Variants in HMHB1 observed in about 807,000 individuals in gnomAD.
The protein encoded by HMHB1 is minor histocompatibility protein HB-1.
Under a neutral mutation model 2.4 loss-of-function variants are expected in HMHB1, and 4 were observed. The observed-to-expected ratio is 1.65, with a 90% CI of 0.81 to 3.77. HMHB1 has a LOEUF of 3.77. HMHB1 is among the 30% of genes most tolerant of loss of function. The pLI, the probability that HMHB1 is intolerant of heterozygous loss-of-function variation, is 0.01. For synonymous variants in HMHB1, 22 were observed against 17.6 expected, an observed-to-expected ratio of 1.25 and a Z score of -0.63; for missense variants, 57 against 44.2, an observed-to-expected ratio of 1.29 and a Z score of -0.82.
chr5:143,816,317 A>G (rs963157790), intron 1 of HMHB1, among the ~76,000 whole-genome samples: 1 of 152,126 alleles, frequency 6.6e-6, no homozygotes, highest in Non-Finnish European at 1.5e-5. Flanking sequence ...AGCTGTATAC[A>G]TTGCATCCTA....
intron 1 of HMHB1, among the ~76,000 whole-genome samples, chr5:143,813,161 C>A (rs995122531): frequency 1.3e-5 from 2 of 152,134 alleles, no homozygotes; most frequent in African/African-American, 2.4e-5. Context: ...CTCAGCCACC[C>A]CAGGGAATGC....
intron 1 of HMHB1, among the ~76,000 whole-genome samples, chr5:143,814,638 G>C (rs534645366): frequency 2.6e-5 from 4 of 152,282 alleles, no homozygotes; most frequent in Non-Finnish European, 4.4e-5. Context: ...CAAGGATGCT[G>C]TCATTATAGG....
intron 1 of HMHB1, among the ~76,000 whole-genome samples, chr5:143,815,890 T>C (rs1322979189): frequency 6.6e-6 from 1 of 150,550 alleles, no homozygotes; most frequent in Non-Finnish European, 1.5e-5. Context: ...GTATTTTTAG[T>C]AGAGACGGGG....
At chr5:143,818,017 A>G (rs1325291420) in intron 1 of HMHB1, among the ~76,000 whole-genome samples, 2 of 152,240 alleles carry the variant, frequency 1.3e-5, no homozygotes, top group African/African-American at 2.4e-5. Flanking sequence ...AATAGATTCA[A>G]TGCAATTCCA....
At chr5:143,819,037 T>C (rs1412313121) in intron 1 of HMHB1, among the ~76,000 whole-genome samples, 1 of 152,214 alleles carries the variant, frequency 6.6e-6, no homozygotes, top group Non-Finnish European at 1.5e-5. Flanking sequence ...TTTTCTCTGA[T>C]TGTCTCTCTA....
intron 1 of HMHB1, among the ~76,000 whole-genome samples, chr5:143,812,853 C>G (rs1759707597): frequency 6.6e-6 from 1 of 152,188 alleles, no homozygotes; most frequent in Non-Finnish European, 1.5e-5. Context: ...GGGGGTATAG[C>G]TTTCCCCAGT....
At chr5:143,820,333 A>C in intron 1 of HMHB1, 147 bp from the exon 2 acceptor site, 1 of 325,332 alleles carries the variant, frequency 3.1e-6, no homozygotes, top group Non-Finnish European at 5.5e-6. Flanking sequence ...AAAAAAAAAA[A>C]AAAAAAAAAA....
rs1474307526 is a variant in HMHB1 at position 143,820,647 on chromosome 5, G to C, written c.*79G>C. The C allele has an allele frequency of 2.2e-6, 2 of 895,896 alleles. No homozygotes were observed. The highest frequency in any genetic ancestry group is 3.6e-5 in the Admixed American group (2 of 55,626). 55.5% of individuals were successfully genotyped at this position (895,896 alleles called of 1,614,324 possible). The stretch of plus-strand genomic sequence containing the variant: ...GACAAATTGCTGAGCATGAAGAAGA[G>C]TAAAATTAAGCAAGTGGAACATATG... On this transcript the variant is annotated 3_prime_UTR_variant, in exon 2 of 2. Transcript: ENST00000289448.
chr5:143,813,349 C>A (rs1008613744), intron 1 of HMHB1, among the ~76,000 whole-genome samples: 3 of 152,230 alleles, frequency 2.0e-5, no homozygotes, highest in Non-Finnish European at 4.4e-5. Context: ...AAATAAACCA[C>A]TCCCTTTTTG....
chr5:143,820,035 C>T (rs1020090434), intron 1 of HMHB1, among the ~76,000 whole-genome samples: 5 of 152,066 alleles, frequency 3.3e-5, no homozygotes, highest in Non-Finnish European at 4.4e-5. Context: ...TTATTAGAAA[C>T]TCTCCTGCTC....
At position 143,820,318 on chromosome 5, in the gene HMHB1, T is replaced by TAAAAAAAAAAA. The variant is rs60960654; in HGVS notation, c.38-140_38-130dup. Among the ~76,000 whole-genome samples, 76 of 47,574 alleles carry TAAAAAAAAAAA rather than the reference T, an allele frequency of 1.6e-3. 1 individual carries two copies. Among genetic ancestry groups the TAAAAAAAAAAA allele is most frequent in the African/African-American group, 1.9e-3 (27 of 14,232 alleles). 31.2% of individuals were successfully genotyped at this position (47,574 alleles called of 152,430 possible). ...AGGTGCTGCCCCGGCTCATCATAAG[T>TAAAAAAAAAAA]AAAAAAAAAAAAAAAAAAAAAAAAA... On this transcript the variant is annotated intron_variant, in intron 1 of 1. Transcript: ENST00000289448.
rs201139557 is a variant in HMHB1, at chr5:143,820,541, C to T, written c.99C>T (p.His33=). The T allele has an allele frequency of 8.5e-5, 137 of 1,612,698 alleles. No individual in the cohort carries two copies. The African/African-American group carries it at 1.2e-3, about 14-fold the overall frequency. Residue 33 remains histidine, a synonymous_variant, in exon 2 of 2, where the codon CAC becomes CAT. Coordinates refer to ENST00000289448, the MANE Select transcript of HMHB1 (RefSeq NM_021182.3). Reference sequence around the variant, plus strand: ...TTGAAGATGATGTGTATCTGAGGCACAGCTCTTCCCTGACTTATAGGCTTT... The same window carrying T: ...TTGAAGATGATGTGTATCTGAGGCATAGCTCTTCCCTGACTTATAGGCTTT...
intron 1 of HMHB1, among the ~76,000 whole-genome samples, chr5:143,814,009 A>G (rs1759720726): frequency 6.6e-6 from 1 of 152,236 alleles, no homozygotes; most frequent in Non-Finnish European, 1.5e-5. Flanking sequence ...CAATTTCATT[A>G]TTAACTGAAA....
chr5:143,812,339 A>G (rs1178886087), intron 1 of HMHB1, 35 bp downstream of exon 1: 2 of 1,541,258 alleles, frequency 1.3e-6, no homozygotes, highest in Middle Eastern at 1.7e-4. Context: ...ACAGAGAGAG[A>G]GGGAAAGAGG....
intron 1 of HMHB1, among the ~76,000 whole-genome samples, chr5:143,815,320 T>C (rs1759734592): frequency 6.6e-6 from 1 of 152,222 alleles, no homozygotes; most frequent in Non-Finnish European, 1.5e-5. Context: ...TGGTTTTAGC[T>C]GAAGGCTCTT....
intron 1 of HMHB1, among the ~76,000 whole-genome samples, chr5:143,813,531 A>T (rs1027917401): frequency 6.6e-6 from 1 of 152,258 alleles, no homozygotes; most frequent in African/African-American, 2.4e-5. Flanking sequence ...CTGAAAAGTA[A>T]AAAATGGAAA....
At chr5:143,816,751 C>T (rs1012278095) in intron 1 of HMHB1, among the ~76,000 whole-genome samples, 8 of 152,216 alleles carry the variant, frequency 5.3e-5, no homozygotes, top group Non-Finnish European at 1.2e-4. Context: ...AATGGTAGCT[C>T]TACTTTTAGT....
chr5:143,812,162 C>T lies in HMHB1; in HGVS notation c.-106C>T. The T allele has an allele frequency of 1.0e-6, 1 of 962,052 alleles. No individual in the cohort carries two copies. Among genetic ancestry groups the T allele is most frequent in the Non-Finnish European group, 1.6e-6 (1 of 628,678 alleles). The allele number at this position is 962,052 out of a possible 1,614,324, so 59.6% of individuals were successfully genotyped here. A position where few individuals can be genotyped will look rare whatever the true frequency, so the allele number is the denominator to read the frequency against. On this transcript the variant is annotated 5_prime_UTR_variant, in exon 1 of 2. Coordinates refer to ENST00000289448, the MANE Select transcript of HMHB1 (RefSeq NM_021182.3). ...GGTCCAATTCTGCAGATGAGGAAACCACATCCCAGGAGGCCGAGGCGGCTT... is the reference window on the plus strand; with the variant it reads ...GGTCCAATTCTGCAGATGAGGAAACTACATCCCAGGAGGCCGAGGCGGCTT...
At chr5:143,820,398 T>C in intron 1 of HMHB1, 82 bp from the exon 2 acceptor site, 1 of 652,240 alleles carries the variant, frequency 1.5e-6, no homozygotes. Context: ...CTTTACTCTG[T>C]TTGGAGTTTT....
Sources: gnomAD v4.1 joint callset for allele counts (sites outside exome capture counted in the v4.1 genomes callset) on GRCh38, gnomAD v4.1.1 for gene constraint, MANE v1.5 for transcripts, NCBI Gene and HGNC (gene_info 2026-07-23, HGNC 2026-07-21) for gene names.